MYRIP: variants seen among roughly 807,000 people sequenced by gnomAD.
MYRIP encodes myosin VIIA and Rab interacting protein, also known as rab effector MyRIP.
MYRIP carries 49 observed loss-of-function variants against 98.0 expected under a neutral mutation model. That is an observed-to-expected ratio of 0.50 (90% confidence interval 0.40 to 0.63). The LOEUF is 0.63. Among genes scored for constraint, MYRIP ranks in the 30% least tolerant of loss-of-function variants. The probability of loss-of-function intolerance (pLI) is 0.00; values close to 1 mark genes in which losing one functional copy is unlikely to be tolerated. For missense variants in MYRIP, 1,004 were observed against 1,058.2 expected (o/e 0.95, Z 0.71); for synonymous variants, 404 against 409.5 (o/e 0.99, Z 0.16).
intron 4 of MYRIP, 149 bp downstream of exon 4, chr3:40,151,333 A>G (rs1004515013): frequency 1.2e-6 from 1 of 859,642 alleles, no homozygotes; most frequent in Non-Finnish European, 1.6e-6. Context: ...AAATAGAAGG[A>G]CGGATGCCAG....
intron 1 of MYRIP, among the ~76,000 whole-genome samples, chr3:39,886,782 A>C (rs537103028): frequency 2.6e-5 from 4 of 151,812 alleles, no homozygotes; most frequent in Non-Finnish European, 5.9e-5. Flanking sequence ...CAGATCAACG[A>C]GACAGAAAGT....
At chr3:39,954,917 G>C (rs1430707721) in intron 2 of MYRIP, among the ~76,000 whole-genome samples, 1 of 151,866 alleles carries the variant, frequency 6.6e-6, no homozygotes, top group Non-Finnish European at 1.5e-5. Context: ...TGGAAGAAAG[G>C]GTATCAGTGA....
intron 1 of MYRIP, among the ~76,000 whole-genome samples, chr3:39,830,936 C>T (rs889700636): frequency 3.3e-5 from 5 of 152,186 alleles, no homozygotes; most frequent in Non-Finnish European, 7.3e-5. Context: ...CCAGTTTCAT[C>T]AACTTCACCG....
chr3:40,071,417 T>C (rs1169304482), intron 3 of MYRIP, among the ~76,000 whole-genome samples: 1 of 152,144 alleles, frequency 6.6e-6, no homozygotes, highest in African/African-American at 2.4e-5. Context: ...TCTCAGGAGT[T>C]TGACCATAGA....
chr3:39,962,452 AG>A (rs1369030618), intron 2 of MYRIP, among the ~76,000 whole-genome samples: 1 of 111,974 alleles, frequency 8.9e-6, no homozygotes, highest in African/African-American at 5.1e-5. Context: ...TCTCTGGGCT[AG>A]TTTTTTTTTT....
chr3:40,067,295 G>C (rs565096759), intron 3 of MYRIP, among the ~76,000 whole-genome samples: 1 of 152,314 alleles, frequency 6.6e-6, no homozygotes, highest in East Asian at 1.9e-4. Context: ...TTTGAGCAAA[G>C]GCTGTGTGCA....
intron 2 of MYRIP, among the ~76,000 whole-genome samples, chr3:39,997,937 A>G (rs1469264186): frequency 6.6e-6 from 1 of 152,208 alleles, no homozygotes; most frequent in East Asian, 1.9e-4. Context: ...CAAAAACCAC[A>G]TAATTATCTC....
chr3:39,928,137 A>G (rs528918293), intron 2 of MYRIP, among the ~76,000 whole-genome samples: 1 of 152,144 alleles, frequency 6.6e-6, no homozygotes, highest in Non-Finnish European at 1.5e-5. Context: ...CTCAATATAA[A>G]ATAGATTATT....
At chr3:39,847,762 TC>T (rs1575300829) in intron 1 of MYRIP, among the ~76,000 whole-genome samples, 1 of 152,176 alleles carries the variant, frequency 6.6e-6, no homozygotes, top group South Asian at 2.1e-4. Flanking sequence ...ATATATGCCC[TC>T]CCTGAGCCTC....
Position 40,074,251 on chromosome 3 carries a change from T to C in MYRIP, c.332+29980T>C, listed in dbSNP as rs748943117. 2.0e-5 allele frequency among the ~76,000 whole-genome samples: 3 copies of C among 152,096 alleles called. No homozygotes were observed. In the East Asian group the frequency reaches 5.8e-4, roughly 29 times the overall value. ...AACCACACCTGGCTAATTTTTTGTG[T>C]TTTTAGTAGAGACAGGGTTTCACCG... On this transcript the variant is annotated intron_variant, in intron 3 of 16. Coordinates refer to ENST00000302541, the MANE Select transcript of MYRIP (RefSeq NM_015460.4).
chr3:39,889,272 A>T (rs1348503004), intron 1 of MYRIP, among the ~76,000 whole-genome samples: 1 of 151,710 alleles, frequency 6.6e-6, no homozygotes, highest in African/African-American at 2.4e-5. Flanking sequence ...AAGACTTGGA[A>T]CCAACCCAAA....
intron 2 of MYRIP, chr3:39,970,009 G>A (rs1449560122): frequency 6.6e-6 from 1 of 152,108 alleles, no homozygotes; most frequent in African/African-American, 2.4e-5. Flanking sequence ...TTGTTGTTAA[G>A]TCTGTTCAGG....
intron 1 of MYRIP, among the ~76,000 whole-genome samples, chr3:39,851,535 C>G (rs1048575792): frequency 6.6e-6 from 1 of 152,184 alleles, no homozygotes; most frequent in Admixed American, 6.5e-5. Flanking sequence ...ACTTCTGTCA[C>G]CAAGTATGGC....
rs150880428 is a variant in MYRIP at position 40,148,529 on chromosome 3, T to C, written c.333-2519T>C. 3.6e-3 allele frequency among the ~76,000 whole-genome samples: 545 copies of C among 152,290 alleles called. 7 individuals are homozygous for C. The highest frequency in any genetic ancestry group is 0.011 in the African/African-American group (454 of 41,584). ...GAAAATGTATGTTGATTTTAACTTT[T>C]AGGTCTTCTATTAAATTTTTTATTG... On this transcript the variant is annotated intron_variant, in intron 3 of 16. Coordinates refer to ENST00000302541, the MANE Select transcript of MYRIP (RefSeq NM_015460.4).
chr3:40,029,435 C>A (rs149771581), intron 2 of MYRIP, among the ~76,000 whole-genome samples: 2 of 152,160 alleles, frequency 1.3e-5, no homozygotes, highest in Non-Finnish European at 2.9e-5. Flanking sequence ...GTGAGCCCTG[C>A]TCATGTGTTA....
intron 3 of MYRIP, among the ~76,000 whole-genome samples, chr3:40,072,834 A>T (rs200588056): frequency 7.0e-3 from 40 of 5,714 alleles, no homozygotes; most frequent in African/African-American, 0.012. Flanking sequence ...GTTCTTTTTT[A>T]AAAAAAAATG....
At chr3:39,928,563 A>C (rs1944470239) in intron 2 of MYRIP, among the ~76,000 whole-genome samples, 1 of 151,926 alleles carries the variant, frequency 6.6e-6, no homozygotes, top group Non-Finnish European at 1.5e-5. Context: ...TTATTGAAAG[A>C]GTAATTAAGA....
chr3:40,137,846 C>T (rs1253689612), intron 3 of MYRIP, among the ~76,000 whole-genome samples: 2 of 152,186 alleles, frequency 1.3e-5, no homozygotes. Context: ...GCTTACATTT[C>T]TTCCTTCAGG....
At position 40,204,177 on chromosome 3, in the gene MYRIP, T is replaced by TTATATAA. The variant is rs1305603512; in HGVS notation, c.1666-5669_1666-5663dup. On this transcript the variant is annotated intron_variant, in intron 10 of 16. Coordinates refer to ENST00000302541, the MANE Select transcript of MYRIP (RefSeq NM_015460.4). ...AAATATATAATATAATATTTATATA[T>TTATATAA]TATATAATATATAAATATTATATTA... 9.6e-4 allele frequency among the ~76,000 whole-genome samples: 54 copies of TTATATAA among 56,236 alleles called. 4 individuals are homozygous for TTATATAA. In the South Asian group the frequency reaches 0.015, roughly 15 times the overall value. The allele number at this position is 56,236 out of a possible 152,430, so 36.9% of individuals were successfully genotyped here.
Sources: gnomAD v4.1 joint callset for allele counts (sites outside exome capture counted in the v4.1 genomes callset) on GRCh38, gnomAD v4.1.1 for gene constraint, MANE v1.5 for transcripts, NCBI Gene and HGNC (gene_info 2026-07-23, HGNC 2026-07-21) for gene names.